The following DLG2 variants were observed in gnomAD, a reference collection of about 807,000 sequenced individuals.
DLG2 encodes the protein discs large MAGUK scaffold protein 2, also known as disks large homolog 2.
A neutral mutation model predicts 132.5 loss-of-function variants in DLG2; 45 were observed. The ratio of observed to expected loss-of-function variants is 0.34; its 90% CI spans 0.27 to 0.44. The LOEUF (loss-of-function observed/expected upper bound fraction) is 0.44, where lower values mean the gene tolerates loss of function less well. Ranked by LOEUF, DLG2 falls within the 20% of genes least tolerant of loss-of-function variation. DLG2 has a pLI of 1.00. For synonymous variants in DLG2, 424 were observed against 419.6 expected (o/e 1.01, Z -0.13); for missense variants, 1,045 against 1,196.9 (o/e 0.87, Z 1.87).
chr11:85,466,226 G>C (rs910651474), intron 3 of DLG2, among the ~76,000 whole-genome samples: 1 of 152,132 alleles, frequency 6.6e-6, no homozygotes, highest in African/African-American at 2.4e-5. Context: ...TGTCAGACGA[G>C]TAAATTGCAA....
intron 6 of DLG2, among the ~76,000 whole-genome samples, chr11:84,764,231 G>A (rs2068063913): frequency 6.6e-6 from 1 of 152,068 alleles, no homozygotes; most frequent in Non-Finnish European, 1.5e-5. Context: ...GAGGCAGGTG[G>A]CCAAATGTCC....
intron 18 of DLG2, among the ~76,000 whole-genome samples, chr11:83,676,995 T>TTC (rs2077828639): frequency 6.6e-6 from 1 of 152,186 alleles, no homozygotes; most frequent in Admixed American, 6.5e-5. Context: ...ATCTGGATTA[T>TTC]TCTGACTAGA....
chr11:83,497,548 A>T (rs1432956100), intron 21 of DLG2, among the ~76,000 whole-genome samples: 2 of 148,770 alleles, frequency 1.3e-5, no homozygotes, highest in Admixed American at 1.3e-4. Context: ...AACAAAAAAC[A>T]AAAAACAAAA....
At chr11:84,627,894 C>T (rs1440027249) in intron 6 of DLG2, among the ~76,000 whole-genome samples, 1 of 152,040 alleles carries the variant, frequency 6.6e-6, no homozygotes, top group African/African-American at 2.4e-5. Flanking sequence ...ATCTCAAGGG[C>T]AGCACCAAGC....
intron 8 of DLG2, among the ~76,000 whole-genome samples, chr11:84,218,360 G>A (rs897214730): frequency 2.3e-4 from 26 of 112,980 alleles, no homozygotes; most frequent in Non-Finnish European, 4.1e-4. Flanking sequence ...AAGAGAGAGC[G>A]AGAGAAAGGG....
intron 6 of DLG2, among the ~76,000 whole-genome samples, chr11:85,010,119 C>G (rs2059024440): frequency 6.6e-6 from 1 of 152,010 alleles, no homozygotes; most frequent in Non-Finnish European, 1.5e-5. Flanking sequence ...ACATATAGTA[C>G]AAAGATCAAT....
intron 8 of DLG2, among the ~76,000 whole-genome samples, chr11:84,224,115 T>C (rs75105516): frequency 0.014 from 2,068 of 152,268 alleles, 24 homozygotes; most frequent in Non-Finnish European, 0.023. Context: ...TCCCCACTGT[T>C]CCCCAGACAT....
chr11:84,449,097 C>T (rs372937502), intron 7 of DLG2, among the ~76,000 whole-genome samples: 2 of 151,870 alleles, frequency 1.3e-5, no homozygotes, highest in Non-Finnish European at 2.9e-5. Flanking sequence ...TCAGAAAACA[C>T]CATTTCTAAA....
At chr11:85,576,292 A>C (rs536771136) in intron 3 of DLG2, among the ~76,000 whole-genome samples, 2 of 152,190 alleles carry the variant, frequency 1.3e-5, no homozygotes, top group South Asian at 4.1e-4. Flanking sequence ...ATTTTAAATG[A>C]TGCTGTTTTG....
intron 20 of DLG2, among the ~76,000 whole-genome samples, chr11:83,538,657 T>C (rs2095965052): frequency 6.6e-6 from 1 of 152,070 alleles, no homozygotes; most frequent in Admixed American, 6.5e-5. Flanking sequence ...GTAGATTAAA[T>C]TGAAATGATG....
chr11:84,310,692 A>G (rs75080962), intron 7 of DLG2, among the ~76,000 whole-genome samples: 14,529 of 152,254 alleles, frequency 0.095, 906 homozygotes, highest in Non-Finnish European at 0.13. Context: ...TCCCAGAGAC[A>G]AGAAAGTCTT....
chr11:83,480,185 G>A (rs1024244730), intron 22 of DLG2, among the ~76,000 whole-genome samples: 1 of 152,060 alleles, frequency 6.6e-6, no homozygotes. Flanking sequence ...AATCACATAA[G>A]GGTGCACTGA....
intron 9 of DLG2, among the ~76,000 whole-genome samples, chr11:84,147,186 A>G (rs768005696): frequency 8.6e-5 from 13 of 152,004 alleles, no homozygotes; most frequent in Non-Finnish European, 1.5e-4. Context: ...GTTCGGATCC[A>G]TTGGGTTTAG....
chr11:85,201,317 G>A (rs1347525670), intron 4 of DLG2, among the ~76,000 whole-genome samples: 1 of 152,144 alleles, frequency 6.6e-6, no homozygotes, highest in Non-Finnish European at 1.5e-5. Flanking sequence ...CAGCATCTCT[G>A]GAGAGGGCTG....
chr11:83,733,058 A>G (rs2091295863), intron 18 of DLG2, among the ~76,000 whole-genome samples: 2 of 152,036 alleles, frequency 1.3e-5, no homozygotes, highest in Non-Finnish European at 2.9e-5. Flanking sequence ...CCTGGCCAAC[A>G]TGGTGAAACC....
intron 6 of DLG2, among the ~76,000 whole-genome samples, chr11:84,836,749 T>A (rs2079841200): frequency 6.6e-6 from 1 of 151,918 alleles, no homozygotes; most frequent in African/African-American, 2.4e-5. Flanking sequence ...TATAATGTTA[T>A]GCCATAACAT....
intron 7 of DLG2, among the ~76,000 whole-genome samples, chr11:84,402,551 C>T (rs1415452242): frequency 7.3e-6 from 1 of 137,270 alleles, no homozygotes; most frequent in Non-Finnish European, 1.6e-5. Context: ...TCCTTCATGT[C>T]AAAAAAAAAA....
At chr11:85,428,797 T>A (rs915434797) in intron 3 of DLG2, among the ~76,000 whole-genome samples, 1 of 151,694 alleles carries the variant, frequency 6.6e-6, no homozygotes, top group Non-Finnish European at 1.5e-5. Context: ...CTGAAGGAGA[T>A]AGAGACACAA....
At chr11:85,080,800 T>G (rs986447092) in intron 6 of DLG2, among the ~76,000 whole-genome samples, 8 of 152,240 alleles carry the variant, frequency 5.3e-5, no homozygotes, top group African/African-American at 1.9e-4. Context: ...GGAGGTGGTG[T>G]TTACTGTATC....
Sources: allele counts gnomAD v4.1 joint callset (sites outside exome capture counted in the v4.1 genomes callset), GRCh38; gene constraint gnomAD v4.1.1; transcripts MANE v1.5; gene names NCBI Gene and HGNC (gene_info 2026-07-23, HGNC 2026-07-21).